Variants in GSS observed in about 807,000 individuals in gnomAD.
GSS encodes the protein GSH synthetase.
Under a neutral mutation model 60.4 loss-of-function variants are expected in GSS, and 34 were observed. The observed-to-expected ratio is 0.56, with a 90% CI of 0.43 to 0.75. GSS has a LOEUF of 0.75. Ranked by LOEUF, GSS falls within the 30% of genes least tolerant of loss-of-function variation. The probability of loss-of-function intolerance (pLI) is 0.00; values close to 1 mark genes in which losing one functional copy is unlikely to be tolerated. For synonymous variants in GSS, 224 were observed against 239.0 expected (o/e 0.94, Z 0.58); for missense variants, 499 against 595.1 (o/e 0.84, Z 1.68).
chr20:34,954,343 T>C (rs1271784206), intron 1 of GSS: 1 of 151,988 alleles, frequency 6.6e-6, no homozygotes, highest in African/African-American at 2.4e-5. Context: ...TCACCCGAGG[T>C]CGGGAGTTCG....
At chr20:34,949,270 G>GATAT (rs1229602834) in intron 2 of GSS, among the ~76,000 whole-genome samples, 4 of 152,112 alleles carry the variant, frequency 2.6e-5, no homozygotes, top group African/African-American at 4.8e-5. Flanking sequence ...ACTCAGCCTA[G>GATAT]ATATGGCTAG....
At chr20:34,935,077 G>T (rs527792400) in intron 9 of GSS, among the ~76,000 whole-genome samples, 61 of 152,316 alleles carry the variant, frequency 4.0e-4, no homozygotes, top group African/African-American at 1.4e-3. Context: ...GTATAATGGG[G>T]ATAATTATAT....
chr20:34,951,628 G>C, intron 2 of GSS, 96 bp downstream of exon 2: 1 of 1,362,620 alleles, frequency 7.3e-7, no homozygotes, highest in South Asian at 1.3e-5. Flanking sequence ...TAAGGCAAAA[G>C]AGATATGGTC....
chr20:34,931,915 A>G, intron 10 of GSS, 24 bp downstream of exon 10: 3 of 1,607,146 alleles, frequency 1.9e-6, no homozygotes, highest in Non-Finnish European at 2.6e-6. Context: ...GGCCTGTGGT[A>G]GGAGAAACAG....
chr20:34,931,521 G>T, intron 10 of GSS, 104 bp from the exon 11 acceptor site: 1 of 899,072 alleles, frequency 1.1e-6, no homozygotes, highest in South Asian at 1.4e-5. Context: ...AGAGCAGGAG[G>T]GAGAACAGCC....
chr20:34,929,315 C>T lies in GSS; in HGVS notation c.1301+86G>A, dbSNP rs1274319982. The stretch of plus-strand genomic sequence containing the variant: ...GCACCGAAGCCCAGGATTCCTGACT[C>T]TTTCCAGTGTTCCCCTCTAGGCTGG... On this transcript the variant is annotated intron_variant, in intron 12 of 12. Coordinates refer to ENST00000651619, the MANE Select transcript of GSS (RefSeq NM_000178.4). 8 of 1,131,190 alleles carry T rather than the reference C, an allele frequency of 7.1e-6. No individual in the cohort carries two copies. In the African/African-American group the frequency reaches 1.1e-4, roughly 15 times the overall value. The allele number at this position is 1,131,190 out of a possible 1,614,324, so 70.1% of individuals were successfully genotyped here. A position where few individuals can be genotyped will look rare whatever the true frequency, so the allele number is the denominator to read the frequency against.
In GSS at chr20:34,951,871, T is replaced by C. The variant is rs772469586; in HGVS notation, c.-8-11A>G. ...TGGCCATCCCAACACCTGCAAAAGATGGAGAGAAGAGAGTTGGTAACAGAT... is the reference window on the plus strand; with the variant it reads ...TGGCCATCCCAACACCTGCAAAAGACGGAGAGAAGAGAGTTGGTAACAGAT... On this transcript the variant is annotated splice_polypyrimidine_tract_variant and intron_variant, in intron 1 of 12. Coordinates refer to ENST00000651619, the MANE Select transcript of GSS (RefSeq NM_000178.4). The C allele has an allele frequency of 6.2e-7, 1 of 1,613,366 alleles. No homozygotes were observed. Among genetic ancestry groups the C allele is most frequent in the African/African-American group, 1.3e-5 (1 of 74,838 alleles).
chr20:34,945,853 C>T, intron 3 of GSS, 100 bp downstream of exon 3: 1 of 1,303,926 alleles, frequency 7.7e-7, no homozygotes, highest in Non-Finnish European at 1.1e-6. Context: ...TTCCTCTATC[C>T]CACCAAGTCA....
rs1264454119 is a variant in GSS at position 34,931,429 on chromosome 20, C to A, written c.1030-12G>T. The A allele has an allele frequency of 8.1e-6, 13 of 1,611,492 alleles. No individual in the cohort carries two copies. Among genetic ancestry groups the A allele is most frequent in the Non-Finnish European group, 1.1e-5 (13 of 1,177,700 alleles). On this transcript the variant is annotated splice_polypyrimidine_tract_variant and intron_variant, in intron 10 of 12. Coordinates refer to ENST00000651619, the MANE Select transcript of GSS (RefSeq NM_000178.4). ...TCCCCTTCTTCACCCTGGCAGGAGG[C>A]AGAAAGCAGTTATCAAAAGTTTAAA...
At chr20:34,934,818 T>C (rs909386760) in intron 9 of GSS, among the ~76,000 whole-genome samples, 2 of 152,188 alleles carry the variant, frequency 1.3e-5, no homozygotes, top group African/African-American at 4.8e-5. Flanking sequence ...GTCAGGAACT[T>C]GCCCATCATC....
chr20:34,954,353 G>C (rs1051994804), intron 1 of GSS: 1 of 152,242 alleles, frequency 6.6e-6, no homozygotes, highest in Non-Finnish European at 1.5e-5. Context: ...TCGGGAGTTC[G>C]AGACCAGCCT....
chr20:34,945,019 A>T (rs2081509610), intron 3 of GSS, among the ~76,000 whole-genome samples: 1 of 151,490 alleles, frequency 6.6e-6, no homozygotes, highest in South Asian at 2.1e-4. Context: ...ATATATATGT[A>T]TTATTATTTC....
In GSS at chr20:34,936,815, A is replaced by G; in HGVS notation, c.715T>C (p.Phe239Leu). ...ARNIHVIRRT[F>L]EDISEKGSLD... is the part of the protein sequence containing the mutation. ...GACCCCTTTTCAGAGATATCTTCAA[A>G]TGTTCGTCGGATCACATGGATGTTC... Residue 239 changes from phenylalanine (F) to leucine (L), a missense_variant, in exon 8 of 13, where the codon TTT becomes CTT. By Grantham distance (22) the Phe-to-Leu change is conservative (BLOSUM62 0). Transcript: ENST00000651619. The G allele has an allele frequency of 6.2e-7, 1 of 1,614,132 alleles. No homozygotes were observed. Among genetic ancestry groups the G allele is most frequent in the Non-Finnish European group, 8.5e-7 (1 of 1,180,004 alleles).
intron 1 of GSS, chr20:34,955,296 A>G (rs2081613130): frequency 6.6e-6 from 1 of 152,244 alleles, no homozygotes; most frequent in African/African-American, 2.4e-5. Flanking sequence ...AGATCACCGA[A>G]AGCCTCAAAA....
At chr20:34,934,311 C>G (rs1202407768) in intron 9 of GSS, among the ~76,000 whole-genome samples, 1 of 147,564 alleles carries the variant, frequency 6.8e-6, no homozygotes, top group Non-Finnish European at 1.5e-5. Context: ...GAGTCTCGCT[C>G]TGTCAGCCAG....
chr20:34,939,240 CA>C (rs964332637), intron 6 of GSS, among the ~76,000 whole-genome samples: 2 of 149,964 alleles, frequency 1.3e-5, no homozygotes, highest in Admixed American at 6.6e-5. Flanking sequence ...AACTCTGTCT[CA>C]AAAAAAAAGA....
At chr20:34,952,256 G>A (rs1211085020) in intron 1 of GSS, 3 of 292,496 alleles carry the variant, frequency 1.0e-5, no homozygotes, top group African/African-American at 4.4e-5. Context: ...ATGTGACTGG[G>A]GCAAGTTCCT....
At chr20:34,955,240 A>T (rs537111740) in intron 1 of GSS, 1 of 152,338 alleles carries the variant, frequency 6.6e-6, no homozygotes, top group East Asian at 1.9e-4. Context: ...TTAGTACTGT[A>T]TTCATTCATC....
chr20:34,940,264 G>A (rs967131534), intron 6 of GSS, among the ~76,000 whole-genome samples: 5 of 152,132 alleles, frequency 3.3e-5, no homozygotes, highest in African/African-American at 7.2e-5. Context: ...TTCTGTCCAC[G>A]TTACTGACAG....
Sources: allele counts gnomAD v4.1 joint callset (sites outside exome capture counted in the v4.1 genomes callset), GRCh38; gene constraint gnomAD v4.1.1; transcripts MANE v1.5; gene names NCBI Gene and HGNC (gene_info 2026-07-23, HGNC 2026-07-21).